SEPSECS: variants seen among roughly 807,000 people sequenced by gnomAD.
The protein encoded by SEPSECS is O-phosphoseryl-tRNA(Sec) selenium transferase.
In SEPSECS, 42 loss-of-function variants were observed where a neutral mutation model predicts 52.1. The ratio of observed to expected loss-of-function variants is 0.81; its 90% CI spans 0.63 to 1.04. SEPSECS has a LOEUF of 1.04. Ranked by LOEUF, SEPSECS falls within the 50% of genes least tolerant of loss-of-function variation. The pLI is 0.00. For missense variants in SEPSECS, 590 were observed against 610.6 expected, an observed-to-expected ratio of 0.97 and a Z score of 0.36; for synonymous variants, 216 against 211.4, an observed-to-expected ratio of 1.02 and a Z score of -0.19.
chr4:25,157,244 G>A (rs1209144364), intron 2 of SEPSECS, among the ~76,000 whole-genome samples: 1 of 152,138 alleles, frequency 6.6e-6, no homozygotes, highest in African/African-American at 2.4e-5. Flanking sequence ...CCAAGAGATG[G>A]AGTCTACTTC....
Position 25,156,986 on chromosome 4 carries a change from A to C in SEPSECS, c.270-12T>G. 1 of 1,432,700 alleles carries C rather than the reference A, an allele frequency of 7.0e-7. No individual in the cohort carries two copies. The allele number at this position is 1,432,700 out of a possible 1,614,324, so 88.7% of individuals were successfully genotyped here. A position where few individuals can be genotyped will look rare whatever the true frequency, so the allele number is the denominator to read the frequency against. On this transcript the variant is annotated splice_polypyrimidine_tract_variant and intron_variant, in intron 2 of 10. Transcript: ENST00000382103. The stretch of plus-strand genomic sequence containing the variant: ...TGCCATGAATGAACCTAAGCAAAAA[A>C]TGGGCCAAAAACTGGACAAATACAT...
intron 8 of SEPSECS, among the ~76,000 whole-genome samples, chr4:25,141,200 A>G (rs1266920742): frequency 1.3e-5 from 2 of 152,014 alleles, no homozygotes; most frequent in Non-Finnish European, 2.9e-5. Context: ...TCCTCACTGA[A>G]TGTTCCTTCT....
chr4:25,133,014 C>A (rs2109009689), intron 8 of SEPSECS, among the ~76,000 whole-genome samples: 1 of 152,288 alleles, frequency 6.6e-6, no homozygotes, highest in South Asian at 2.1e-4. Context: ...ACCTCATACA[C>A]TTGCTCTGGG....
At chr4:25,152,379 A>C (rs1356330396) in intron 5 of SEPSECS, among the ~76,000 whole-genome samples, 8 of 152,074 alleles carry the variant, frequency 5.3e-5, no homozygotes, top group Admixed American at 5.2e-4. Flanking sequence ...AAGATTATTT[A>C]TAATGACCCC....
At chr4:25,159,759 G>T (rs979652926) in intron 1 of SEPSECS, 3 of 1,041,710 alleles carry the variant, frequency 2.9e-6, no homozygotes, top group Admixed American at 4.9e-5. Flanking sequence ...GCGAAAGAGC[G>T]AGACTCTGTT....
intron 5 of SEPSECS, 39 bp downstream of exon 5, chr4:25,154,959 T>C (rs1712529292): frequency 6.3e-7 from 1 of 1,598,290 alleles, no homozygotes; most frequent in Non-Finnish European, 8.6e-7. Flanking sequence ...TTTAAAAGAC[T>C]GATAAACAGC....
At chr4:25,125,834 A>G (rs751014834) in intron 9 of SEPSECS, 50 bp from the exon 10 acceptor site, 4 of 1,097,730 alleles carry the variant, frequency 3.6e-6, no homozygotes, top group Non-Finnish European at 1.4e-6. Context: ...TGGCATAAAA[A>G]TCACTCAAAT....
Position 25,145,023 on chromosome 4 carries a change from T to C in SEPSECS, c.915A>G (p.Glu305=). 6.2e-7 allele frequency: 1 copy of C among 1,614,006 alleles called. No homozygotes were observed. ...ATTTACCTGGATACATCTTGCTGAT[T>C]TCCTGAATGAATGAATCATTAAAGC... ...IAGFNDSFIQ[E]ISKMYPGRAS... Residue 305 remains glutamate, a synonymous_variant, in exon 7 of 11, where the codon GAA becomes GAG. Transcript: ENST00000382103.
chr4:25,159,477 T>C (rs1712911603), intron 1 of SEPSECS: 1 of 346,730 alleles, frequency 2.9e-6, no homozygotes, highest in Admixed American at 3.9e-5. Flanking sequence ...CAAACTTCAG[T>C]GAAATTTTGG....
chr4:25,120,452 A>G lies in SEPSECS; in HGVS notation c.*3479T>C, dbSNP rs1431129939. The stretch of plus-strand genomic sequence containing the variant: ...GATTGGCCATAAGAGACATTAACCA[A>G]CATAATATGACAGACAAGGAAAAAA... On this transcript the variant is annotated 3_prime_UTR_variant, in exon 11 of 11. Coordinates refer to ENST00000382103, the MANE Select transcript of SEPSECS (RefSeq NM_016955.4). 2.0e-5 allele frequency: 3 copies of G among 152,200 alleles called. No individual in the cohort carries two copies. The highest frequency in any genetic ancestry group is 4.4e-5 in the Non-Finnish European group (3 of 68,012). 9.4% of individuals were successfully genotyped at this position (152,200 alleles called of 1,614,324 possible). A position where few individuals can be genotyped will look rare whatever the true frequency, so the allele number is the denominator to read the frequency against.
At chr4:25,160,558 G>T, upstream of SEPSECS, 1 of 515,852 alleles carries the variant, frequency 1.9e-6, no homozygotes, top group Admixed American at 3.7e-5. Flanking sequence ...CTCAGATGGC[G>T]CTCCAGGAGG....
At chr4:25,158,033 C>G (rs552064380) in intron 2 of SEPSECS, among the ~76,000 whole-genome samples, 16 of 152,074 alleles carry the variant, frequency 1.1e-4, no homozygotes, top group African/African-American at 3.6e-4. Context: ...AATAAAAAAC[C>G]CTTTCGTAAT....
In SEPSECS at chr4:25,124,040, C is replaced by G. The variant is rs951352597; in HGVS notation, c.1397G>C (p.Ser466Thr). 5.0e-5 allele frequency: 80 copies of G among 1,613,682 alleles called. No individual in the cohort carries two copies. Among genetic ancestry groups the G allele is most frequent in the Non-Finnish European group, 6.6e-5 (78 of 1,179,748 alleles). Residue 466 changes from serine (S) to threonine (T), a missense_variant, in exon 11 of 11, where the codon AGT (serine) becomes ACT (threonine). Ser to Thr is a moderately conservative substitution (Grantham distance 58). Coordinates refer to ENST00000382103, the MANE Select transcript of SEPSECS (RefSeq NM_016955.4). The part of the protein sequence containing the change: ...RCLKAVRKER[S>T]KESDDNYDKT... ...GTCATAATTGTCATCACTCTCTTTA[C>G]TTCGTTCTTTTCTTACTGCCTTTAA...
At chr4:25,155,966 CTATCTT>C (rs1712600981) in intron 4 of SEPSECS, 65 bp downstream of exon 4, 1 of 1,388,742 alleles carries the variant, frequency 7.2e-7, no homozygotes, top group African/African-American at 1.4e-5. Flanking sequence ...TTTCATTTAT[CTATCTT>C]TATATAAGAA....
intron 8 of SEPSECS, among the ~76,000 whole-genome samples, chr4:25,132,615 T>C (rs188373846): frequency 1.3e-5 from 2 of 152,360 alleles, no homozygotes; most frequent in Non-Finnish European, 2.9e-5. Flanking sequence ...TAACTTACAG[T>C]GACAGAGTTC....
At chr4:25,125,603 A>G in intron 10 of SEPSECS, 91 bp downstream of exon 10, 1 of 803,376 alleles carries the variant, frequency 1.2e-6, no homozygotes, top group Non-Finnish European at 2.2e-6. Context: ...AGTTCAGGAT[A>G]TACTTGGGGG....
intron 8 of SEPSECS, among the ~76,000 whole-genome samples, chr4:25,131,666 T>C (rs1728611521): frequency 6.6e-6 from 1 of 152,234 alleles, no homozygotes; most frequent in Admixed American, 6.5e-5. Context: ...AATCTAGTAG[T>C]GTTTTCAAAC....
intron 3 of SEPSECS, among the ~76,000 whole-genome samples, chr4:25,156,495 G>C (rs968122526): frequency 6.6e-6 from 1 of 151,706 alleles, no homozygotes; most frequent in Admixed American, 6.6e-5. Flanking sequence ...ACGAGGTCAG[G>C]AGATCGAGAC....
intron 8 of SEPSECS, among the ~76,000 whole-genome samples, chr4:25,138,192 TC>T (rs1342486852): frequency 2.6e-5 from 4 of 152,218 alleles, no homozygotes; most frequent in African/African-American, 9.6e-5. Context: ...AACCTGCACA[TC>T]CTGTACATGT....
Sources: allele counts gnomAD v4.1 joint callset (sites outside exome capture counted in the v4.1 genomes callset), GRCh38; gene constraint gnomAD v4.1.1; transcripts MANE v1.5; gene names NCBI Gene and HGNC (gene_info 2026-07-23, HGNC 2026-07-21).